CLHC1: variants seen among roughly 807,000 people sequenced by gnomAD.
The protein encoded by CLHC1 is clathrin heavy chain linker domain containing 1, also known as clathrin heavy chain linker domain-containing protein 1.
A neutral mutation model predicts 69.5 loss-of-function variants in CLHC1; 72 were observed. The ratio of observed to expected loss-of-function variants is 1.04; its 90% CI spans 0.86 to 1.26. The LOEUF (loss-of-function observed/expected upper bound fraction) is 1.26. Among genes scored for constraint, CLHC1 ranks in the 50% most tolerant of loss-of-function variants. The probability of loss-of-function intolerance (pLI) is 0.00; values close to 1 mark genes in which losing one functional copy is unlikely to be tolerated. For synonymous variants in CLHC1, 223 were observed against 224.3 expected (o/e 0.99, Z 0.05); for missense variants, 790 against 679.3 (o/e 1.16, Z -1.81).
intron 2 of CLHC1, chr2:55,225,322 G>A (rs1433267491): frequency 6.6e-6 from 1 of 152,292 alleles, no homozygotes; most frequent in African/African-American, 2.4e-5. Flanking sequence ...GTCTAGAGCG[G>A]GATAGAATTA....
intron 4 of CLHC1, among the ~76,000 whole-genome samples, chr2:55,213,281 G>A (rs1376526350): frequency 6.6e-6 from 1 of 152,020 alleles, no homozygotes; most frequent in Non-Finnish European, 1.5e-5. Flanking sequence ...TCTGTTCCTT[G>A]CCTTTTCCAG....
intron 11 of CLHC1, among the ~76,000 whole-genome samples, chr2:55,178,550 CATA>C (rs1224870027): frequency 6.6e-6 from 1 of 152,088 alleles, no homozygotes; most frequent in Admixed American, 6.6e-5. Flanking sequence ...TCACCATAGG[CATA>C]ATGATTGTGT....
In CLHC1 at chr2:55,212,918, G is replaced by A; in HGVS notation, c.366-112C>T. Reference sequence around the variant, plus strand: ...CTTTATTTTGAACCATTATGGACTAGGTGAAATGCCCTGAAAAAGTTATCT... The same window carrying A: ...CTTTATTTTGAACCATTATGGACTAAGTGAAATGCCCTGAAAAAGTTATCT... On this transcript the variant is annotated intron_variant, in intron 4 of 12. Coordinates refer to ENST00000401408, the MANE Select transcript of CLHC1 (RefSeq NM_152385.4). The A allele has an allele frequency of 3.8e-6, 3 of 781,322 alleles. No individual in the cohort carries two copies. In the South Asian group the frequency reaches 4.9e-5, roughly 13 times the overall value. 48.4% of individuals were successfully genotyped at this position (781,322 alleles called of 1,614,324 possible). A position where few individuals can be genotyped will look rare whatever the true frequency, so the allele number is the denominator to read the frequency against.
chr2:55,208,817 ACAG>A (rs1456711839), intron 7 of CLHC1, 107 bp from the exon 8 acceptor site: 3 of 652,196 alleles, frequency 4.6e-6, no homozygotes, highest in Non-Finnish European at 8.0e-6. Flanking sequence ...ATGGCTCCTA[ACAG>A]CAGCAACCTC....
At chr2:55,199,632 AGTTT>A (rs1414442414) in intron 9 of CLHC1, among the ~76,000 whole-genome samples, 1 of 152,170 alleles carries the variant, frequency 6.6e-6, no homozygotes, top group Non-Finnish European at 1.5e-5. Flanking sequence ...TTTGCTTGTT[AGTTT>A]TTTATTTGTT....
intron 9 of CLHC1, among the ~76,000 whole-genome samples, chr2:55,195,097 T>C (rs1384646305): frequency 6.6e-6 from 1 of 152,146 alleles, no homozygotes; most frequent in Admixed American, 6.5e-5. Flanking sequence ...ATTTCGATTA[T>C]GCAATATAGT....
At chr2:55,197,705 C>A (rs1052663910) in intron 9 of CLHC1, among the ~76,000 whole-genome samples, 1 of 152,162 alleles carries the variant, frequency 6.6e-6, no homozygotes, top group African/African-American at 2.4e-5. Flanking sequence ...CCTTCAATAT[C>A]TGGAAAGCCT....
chr2:55,181,496 C>G, intron 10 of CLHC1, 74 bp downstream of exon 10: 1 of 1,105,034 alleles, frequency 9.0e-7, no homozygotes, highest in Non-Finnish European at 1.3e-6. Context: ...ATTGATAAAG[C>G]TATTAATATT....
intron 9 of CLHC1, among the ~76,000 whole-genome samples, chr2:55,189,473 T>C (rs1670718420): frequency 6.6e-6 from 1 of 152,198 alleles, no homozygotes; most frequent in South Asian, 2.1e-4. Context: ...AGGATAGTGA[T>C]CCTTGAAAGA....
chr2:55,212,720 T>C lies in CLHC1; in HGVS notation c.452A>G (p.Glu151Gly). ...KQCRAEYDTK[E>G]VKYCTFSKDP... ...TTTGGAGAAAGTACAATATTTTACTTCTTTTGTGTCATACTCTGCCCTACA... is the reference window on the plus strand; with the variant it reads ...TTTGGAGAAAGTACAATATTTTACTCCTTTTGTGTCATACTCTGCCCTACA... Residue 151 changes from glutamate to glycine, a missense_variant, in exon 5 of 13, where the codon GAA becomes GGA. By Grantham distance (98) the Glu-to-Gly change is moderately conservative. Transcript: ENST00000401408. 6.3e-7 allele frequency: 1 copy of C among 1,597,826 alleles called. No individual in the cohort carries two copies.
chr2:55,223,335 A>G (rs1162042658), intron 2 of CLHC1, among the ~76,000 whole-genome samples: 1 of 152,184 alleles, frequency 6.6e-6, no homozygotes, highest in Non-Finnish European at 1.5e-5. Context: ...TCCATCCCTC[A>G]ATGATGTCAA....
chr2:55,187,662 A>T (rs2103748030), intron 9 of CLHC1, among the ~76,000 whole-genome samples: 1 of 152,200 alleles, frequency 6.6e-6, no homozygotes, highest in Admixed American at 6.5e-5. Flanking sequence ...ATCATACTGA[A>T]CACAAAAACA....
chr2:55,228,680 T>C (rs1674950727), intron 1 of CLHC1, among the ~76,000 whole-genome samples: 1 of 152,164 alleles, frequency 6.6e-6, no homozygotes, highest in Non-Finnish European at 1.5e-5. Flanking sequence ...AGGGAAAACA[T>C]CTAGTAAAAC....
chr2:55,218,878 A>G (rs1673838509), intron 3 of CLHC1, among the ~76,000 whole-genome samples: 1 of 152,214 alleles, frequency 6.6e-6, no homozygotes, highest in Admixed American at 6.5e-5. Flanking sequence ...GAAAGCTGCA[A>G]TTATGCTTTC....
chr2:55,210,287 C>G (rs760396160), intron 5 of CLHC1, among the ~76,000 whole-genome samples: 5 of 152,038 alleles, frequency 3.3e-5, no homozygotes, highest in Non-Finnish European at 7.3e-5. Flanking sequence ...ACCTCTGCCT[C>G]CCAGGTTCAA....
At chr2:55,176,442 C>G (rs574969390) in intron 12 of CLHC1, among the ~76,000 whole-genome samples, 1 of 152,172 alleles carries the variant, frequency 6.6e-6, no homozygotes, top group South Asian at 2.1e-4. Context: ...GGAGCTAACC[C>G]AAGGACTGAA....
At position 55,181,607 on chromosome 2, in the gene CLHC1, G is replaced by A. The variant is rs368001227; in HGVS notation, c.1144C>T (p.Arg382Trp). 100 of 1,612,294 alleles carry A rather than the reference G, an allele frequency of 6.2e-5. No homozygotes were observed. The highest frequency in any genetic ancestry group is 1.6e-4 in the Middle Eastern group (1 of 6,070). Reference sequence around the variant, plus strand: ...ACCCAATTGGTAACTAAATCTAACCGTTTTTCTGATAATCCACATTTGATT... The same window carrying A: ...ACCCAATTGGTAACTAAATCTAACCATTTTTCTGATAATCCACATTTGATT... ...EGIKCGLSEKRLDLVTNWVTQ... is the reference protein window; with the variant it reads ...EGIKCGLSEKWLDLVTNWVTQ... Residue 382 changes from arginine to tryptophan, a missense_variant, in exon 10 of 13, where the codon CGG becomes TGG. Physicochemically the swap from Arg to Trp is moderately radical, Grantham distance 101 (BLOSUM62 -3). Coordinates refer to ENST00000401408, the MANE Select transcript of CLHC1 (RefSeq NM_152385.4).
At position 55,209,469 on chromosome 2, in the gene CLHC1, T is replaced by A; in HGVS notation, c.749A>T (p.Lys250Ile). ...TTGAAATGGGCTGCTCATATCAGATTTTACCCATGAACTAAGTGCCTGTGA... is the reference window on the plus strand; with the variant it reads ...TTGAAATGGGCTGCTCATATCAGATATTACCCATGAACTAAGTGCCTGTGA... ...IISQALSSWV[K>I]SDMSSPFQDF... Residue 250 changes from lysine (K) to isoleucine (I), a missense_variant, in exon 7 of 13, where the codon AAA (lysine) becomes ATA (isoleucine). Transcript: ENST00000401408. 6.2e-7 allele frequency: 1 copy of A among 1,612,556 alleles called. No homozygotes were observed. Among genetic ancestry groups the A allele is most frequent in the African/African-American group, 1.3e-5 (1 of 74,936 alleles).
chr2:55,195,265 A>G lies in CLHC1; in HGVS notation c.1006+11005T>C, dbSNP rs562018782. On this transcript the variant is annotated intron_variant, in intron 9 of 12. Transcript: ENST00000401408. ...AATTCAACTTTTTTGGATTCCACAT[A>G]TAAATGAGATCATGTACTATTTGTG... is the stretch of plus-strand genomic sequence containing the variant. Among the ~76,000 whole-genome samples the G allele has an allele frequency of 6.6e-5, 10 of 152,290 alleles. No homozygotes were observed. The East Asian group carries it at 1.9e-3, about 29-fold the overall frequency.
Sources: allele counts gnomAD v4.1 joint callset (sites outside exome capture counted in the v4.1 genomes callset), GRCh38; gene constraint gnomAD v4.1.1; transcripts MANE v1.5; gene names NCBI Gene and HGNC (gene_info 2026-07-23, HGNC 2026-07-21).